CFAP97: variants seen among roughly 807,000 people sequenced by gnomAD.
The protein encoded by CFAP97 is cilia- and flagella-associated protein 97.
A neutral mutation model predicts 43.1 loss-of-function variants in CFAP97; 36 were observed. That is an observed-to-expected ratio of 0.84 (90% CI 0.64 to 1.10). The LOEUF (loss-of-function observed/expected upper bound fraction) is 1.10. Ranked by LOEUF, CFAP97 falls within the 50% of genes least tolerant of loss-of-function variation. The pLI, the probability that CFAP97 is intolerant of heterozygous loss-of-function variation, is 0.00. For missense variants in CFAP97, 657 were observed against 620.3 expected (o/e 1.06, Z -0.63); for synonymous variants, 228 against 225.7 (o/e 1.01, Z -0.09).
At chr4:185,208,763 C>T (rs1178398662), upstream of CFAP97, among the ~76,000 whole-genome samples, 3 of 152,010 alleles carry the variant, frequency 2.0e-5, no homozygotes, top group Non-Finnish European at 4.4e-5. Context: ...GAATGAAATG[C>T]CCATGAATAC....
At chr4:185,205,732 C>T (rs573268481), upstream of CFAP97, among the ~76,000 whole-genome samples, 1 of 152,178 alleles carries the variant, frequency 6.6e-6, no homozygotes, top group African/African-American at 2.4e-5. Flanking sequence ...AGGAGGCTGA[C>T]GCAGAAGAAT....
At chr4:185,200,476 C>T (rs1736770568) in intron 1 of CFAP97, among the ~76,000 whole-genome samples, 1 of 152,144 alleles carries the variant, frequency 6.6e-6, no homozygotes, top group Non-Finnish European at 1.5e-5. Flanking sequence ...TCCGTCTCTA[C>T]TAAAAATACA....
upstream of CFAP97, among the ~76,000 whole-genome samples, chr4:185,208,235 C>T (rs984618301): frequency 3.3e-5 from 5 of 152,062 alleles, no homozygotes; most frequent in African/African-American, 1.2e-4. Context: ...CCAGGCTAGT[C>T]TTGAACTCCT....
intron 3 of CFAP97, among the ~76,000 whole-genome samples, chr4:185,174,190 T>C (rs1456277496): frequency 2.0e-5 from 3 of 152,042 alleles, no homozygotes; most frequent in African/African-American, 4.8e-5. Flanking sequence ...TAATTTCTTA[T>C]TAAATGCGAT....
At chr4:185,204,283 G>T (rs868601839), upstream of CFAP97, 1 of 152,226 alleles carries the variant, frequency 6.6e-6, no homozygotes. Flanking sequence ...CGTTGTTCTC[G>T]TGCGTTAATA....
rs1226049014 is a variant in CFAP97 at position 185,160,178 on chromosome 4, GAAGTAT to G, written c.*2614_*2619del. The G allele has an allele frequency of 6.6e-6, 1 of 152,104 alleles. No homozygotes were observed. The highest frequency in any genetic ancestry group is 2.4e-5 in the African/African-American group (1 of 41,414). 9.4% of individuals were successfully genotyped at this position (152,104 alleles called of 1,614,324 possible). ...ATGGAAACTGAAAAAGAGAGCAGAGGAAGTATAAGAGCTACCCCTTAAGAAATAACT... is the reference window on the plus strand; with the variant it reads ...ATGGAAACTGAAAAAGAGAGCAGAGGAAGAGCTACCCCTTAAGAAATAACT... On this transcript the variant is annotated 3_prime_UTR_variant, in exon 5 of 5. Transcript: ENST00000458385.
rs138063600 is a variant in CFAP97 at position 185,209,432 on chromosome 4, G to A, written c.-181C>T. On this transcript the variant is annotated 5_prime_UTR_variant, in exon 1 of 3. Coordinates refer to the CFAP97 transcript ENST00000503223. This position sits in a 1 kb window ranked among gnomAD's most constrained non-coding sequence, Gnocchi z 5.2. ...AGCGTGGGAAAGAGAGGTGTGCACCGCGCTGGGTCGCGCCCTCTCCCCGTG... is the reference window on the plus strand; with the variant it reads ...AGCGTGGGAAAGAGAGGTGTGCACCACGCTGGGTCGCGCCCTCTCCCCGTG... 0.012 allele frequency: 1,803 copies of A among 152,356 alleles called. 20 individuals carry two copies. Among genetic ancestry groups the A allele is most frequent in the Non-Finnish European group, 0.018 (1,208 of 68,048 alleles). 9.4% of individuals were successfully genotyped at this position (152,356 alleles called of 1,614,324 possible).
chr4:185,210,005 C>T (rs946646526), upstream of CFAP97: 38 of 983,788 alleles, frequency 3.9e-5, no homozygotes, highest in Middle Eastern at 5.2e-4. The surrounding 1 kb of genome is among the most constrained non-coding windows in gnomAD (Gnocchi z 4.4). Context: ...TGGTGGAAGC[C>T]CGTGGCGGTG....
At chr4:185,194,021 G>A (rs1467053237) in intron 1 of CFAP97, among the ~76,000 whole-genome samples, 1 of 152,152 alleles carries the variant, frequency 6.6e-6, no homozygotes, top group Non-Finnish European at 1.5e-5. Context: ...GTCCGTAAAC[G>A]AAATCTTGTC....
intron 1 of CFAP97, among the ~76,000 whole-genome samples, chr4:185,194,664 A>G (rs1736459197): frequency 6.6e-6 from 1 of 152,196 alleles, no homozygotes; most frequent in African/African-American, 2.4e-5. Context: ...AGCAGCTGGG[A>G]CTACAGGTGC....
At chr4:185,196,008 T>C (rs1534140) in intron 1 of CFAP97, among the ~76,000 whole-genome samples, 76,719 of 152,056 alleles carry the variant, frequency 0.5, 19,591 homozygotes, top group East Asian at 0.6. Flanking sequence ...GTTAAGAATA[T>C]CTTTGCAATT....
chr4:185,196,462 G>A (rs1189731708), intron 1 of CFAP97, among the ~76,000 whole-genome samples: 11 of 105,612 alleles, frequency 1.0e-4, no homozygotes, highest in South Asian at 3.4e-4. Context: ...AGGATAGTCC[G>A]TCTCAAAAAA....
At chr4:185,171,749 C>T (rs1355575617) in intron 3 of CFAP97, among the ~76,000 whole-genome samples, 1 of 152,178 alleles carries the variant, frequency 6.6e-6, no homozygotes, top group African/African-American at 2.4e-5. Flanking sequence ...GGGTCTTGCT[C>T]TGTCACCCAG....
In CFAP97 at chr4:185,190,167, T is replaced by C. The variant is rs753765509; in HGVS notation, c.1030A>G (p.Met344Val). The stretch of plus-strand genomic sequence containing the variant: ...CCTTTCAAGAGATGATTCAGATCCA[T>C]TGTGTCATGTAAGACTTTCTGTTTA... ...RHKQKVLHDT[M>V]DLNHLLKAFL... Residue 344 changes from methionine to valine, a missense_variant, in exon 2 of 5, where the codon ATG becomes GTG. Coordinates refer to ENST00000458385, the MANE Select transcript of CFAP97 (RefSeq NM_020827.3). The C allele has an allele frequency of 4.7e-5, 74 of 1,581,126 alleles. No individual in the cohort carries two copies. The Middle Eastern group carries it at 1.2e-3, about 25-fold the overall frequency.
In CFAP97 at chr4:185,209,228, T is replaced by C. The variant is rs1560885259; in HGVS notation, c.-74+97A>G. On this transcript the variant is annotated intron_variant, in intron 1 of 2. Transcript: ENST00000503223. This position sits in a 1 kb window ranked among gnomAD's most constrained non-coding sequence, Gnocchi z 5.2. ...TCTCGGGAACGGTTGCCTATTTAAA[T>C]AGCGAGTGAAAACCAGGCAGAAATG... 1.3e-5 allele frequency: 2 copies of C among 152,174 alleles called. No homozygotes were observed. Among genetic ancestry groups the C allele is most frequent in the African/African-American group, 4.8e-5 (2 of 41,436 alleles). The allele number at this position is 152,174 out of a possible 1,614,324, so 9.4% of individuals were successfully genotyped here.
In CFAP97 at chr4:185,164,770, C is replaced by T. The variant is rs114340064; in HGVS notation, c.1321-591G>A. On this transcript the variant is annotated intron_variant, in intron 3 of 4. Transcript: ENST00000458385. ...TGCCAGGTTAGTCTTAGGAAAGGTG[C>T]TGTAAGTTGAAATAAAATACACTAA... 9.0e-3 allele frequency among the ~76,000 whole-genome samples: 1,372 copies of T among 152,304 alleles called. 28 individuals carry two copies. Among genetic ancestry groups the T allele is most frequent in the African/African-American group, 0.032 (1,315 of 41,576 alleles).
chr4:185,195,559 TTC>T (rs1736498347), intron 1 of CFAP97, among the ~76,000 whole-genome samples: 2 of 152,204 alleles, frequency 1.3e-5, no homozygotes, highest in Non-Finnish European at 2.9e-5. Flanking sequence ...TGCTATATTC[TTC>T]ATGAGCACAA....
chr4:185,198,932 G>C (rs74575120), intron 1 of CFAP97, among the ~76,000 whole-genome samples: 84 of 152,330 alleles, frequency 5.5e-4, no homozygotes, highest in African/African-American at 1.6e-3. Context: ...ATTGGAAAAG[G>C]ATGCTAACCA....
chr4:185,198,578 T>C (rs577563607), intron 1 of CFAP97, among the ~76,000 whole-genome samples: 21 of 150,992 alleles, frequency 1.4e-4, no homozygotes, highest in Non-Finnish European at 2.8e-4. Flanking sequence ...TCACCTCAGG[T>C]CAGGAGTTCA....
Sources: gnomAD v4.1 joint callset for allele counts (sites outside exome capture counted in the v4.1 genomes callset) on GRCh38, gnomAD v4.1.1 for gene constraint, Gnocchi (gnomAD v3.1) non-coding constraint, MANE v1.5 for transcripts, NCBI Gene and HGNC (gene_info 2026-07-23, HGNC 2026-07-21) for gene names.